CFAP57: variants seen among roughly 807,000 people sequenced by gnomAD.
CFAP57 encodes the protein cilia- and flagella-associated protein 57.
CFAP57 carries 116 observed loss-of-function variants against 146.8 expected under a neutral mutation model. That is an observed-to-expected ratio of 0.79 (90% CI 0.68 to 0.92). The LOEUF is 0.92. Among genes scored for constraint, CFAP57 ranks in the 40% least tolerant of loss-of-function variants. The pLI is 0.00. For missense variants in CFAP57, 1,377 were observed against 1,527.2 expected, an observed-to-expected ratio of 0.90 and a Z score of 1.64; for synonymous variants, 518 against 552.8, an observed-to-expected ratio of 0.94 and a Z score of 0.88.
At chr1:43,248,257 AT>A (rs1646188985) in intron 22 of CFAP57, among the ~76,000 whole-genome samples, 1 of 150,826 alleles carries the variant, frequency 6.6e-6, no homozygotes, top group Non-Finnish European at 1.5e-5. Context: ...CAAAAAATAT[AT>A]CTTCATATCC....
chr1:43,176,425 A>G (rs1252544968), intron 2 of CFAP57, among the ~76,000 whole-genome samples: 2 of 152,186 alleles, frequency 1.3e-5, no homozygotes, highest in African/African-American at 2.4e-5. Flanking sequence ...AAAGGTCATG[A>G]CATTGGGAGA....
intron 17 of CFAP57, 35 bp downstream of exon 17, chr1:43,224,239 C>T: frequency 6.7e-7 from 1 of 1,490,810 alleles, no homozygotes; most frequent in Non-Finnish European, 8.9e-7. Flanking sequence ...TCAGCTACGG[C>T]CAGATGGGCC....
intron 6 of CFAP57, among the ~76,000 whole-genome samples, chr1:43,192,818 T>C (rs1434135477): frequency 1.3e-5 from 2 of 151,740 alleles, no homozygotes; most frequent in African/African-American, 4.8e-5. Flanking sequence ...TCCCAGCTAC[T>C]CAGGAGGCTG....
intron 17 of CFAP57, among the ~76,000 whole-genome samples, 192 bp downstream of exon 17, chr1:43,224,396 C>T (rs78078745): frequency 0.046 from 6,944 of 152,336 alleles, 243 homozygotes; most frequent in African/African-American, 0.099. Context: ...TCACTTTCAG[C>T]TCTGCCAACA....
intron 21 of CFAP57, among the ~76,000 whole-genome samples, chr1:43,242,081 T>G (rs747175084): frequency 2.0e-4 from 30 of 152,330 alleles, no homozygotes; most frequent in Non-Finnish European, 4.1e-4. Context: ...GATGCAGGAC[T>G]GTTGCAGGTC....
intron 14 of CFAP57, 82 bp from the exon 15 acceptor site, chr1:43,222,023 T>C (rs934229726): frequency 2.4e-6 from 3 of 1,266,174 alleles, no homozygotes; most frequent in Non-Finnish European, 3.1e-6. Context: ...CTGGAAGGGA[T>C]GGGAGAGCGC....
At chr1:43,232,840 A>C (rs1206273016) in intron 19 of CFAP57, among the ~76,000 whole-genome samples, 1 of 152,242 alleles carries the variant, frequency 6.6e-6, no homozygotes, top group Non-Finnish European at 1.5e-5. Flanking sequence ...ACTTTGGGTA[A>C]GTGATCAAGG....
At chr1:43,216,171 C>G (rs1252121790) in intron 12 of CFAP57, among the ~76,000 whole-genome samples, 6 of 152,208 alleles carry the variant, frequency 3.9e-5, no homozygotes, top group Non-Finnish European at 8.8e-5. Context: ...TATTGAACAC[C>G]TACCATTTGC....
At chr1:43,180,079 G>T (rs897850552) in intron 2 of CFAP57, among the ~76,000 whole-genome samples, 3 of 151,860 alleles carry the variant, frequency 2.0e-5, no homozygotes, top group South Asian at 2.1e-4. Flanking sequence ...GGTGGCACAT[G>T]CCTGTAATCC....
intron 2 of CFAP57, among the ~76,000 whole-genome samples, chr1:43,173,331 G>A (rs989612182): frequency 1.3e-5 from 2 of 152,142 alleles, no homozygotes; most frequent in African/African-American, 2.4e-5. Flanking sequence ...ATAACCATTT[G>A]TATAGCATTA....
chr1:43,203,236 ACT>A (rs1200308435), intron 9 of CFAP57, among the ~76,000 whole-genome samples: 3 of 152,042 alleles, frequency 2.0e-5, no homozygotes, highest in Admixed American at 2.0e-4. Context: ...TACAAAGAAA[ACT>A]CTAGGCCCAG....
intron 5 of CFAP57, 41 bp downstream of exon 5, chr1:43,185,397 A>G (rs377272962): frequency 6.6e-5 from 104 of 1,585,142 alleles, no homozygotes; most frequent in East Asian, 1.3e-4. Flanking sequence ...TGGGGGTCCT[A>G]TTGGCATTTG....
chr1:43,199,423 G>A lies in CFAP57; in HGVS notation c.1462G>A (p.Ala488Thr), dbSNP rs1463846872. 6.2e-7 allele frequency: 1 copy of A among 1,613,994 alleles called. No individual in the cohort carries two copies. The highest frequency in any genetic ancestry group is 8.5e-7 in the Non-Finnish European group (1 of 1,180,042). ...SFSNGGHLFAAVNGNVIHVYT... is the reference protein window; with the variant it reads ...SFSNGGHLFATVNGNVIHVYT... ...TAGCAATGGAGGTCACCTGTTTGCT[G>A]CAGTCAATGGAAATGTGATTCACGT... The change falls in exon 9 of 23, where the codon GCA becomes ACA. Residue 488 changes from alanine (A) to threonine (T), a missense_variant. Ala to Thr is a moderately conservative substitution (Grantham distance 58, BLOSUM62 0). Coordinates refer to ENST00000372492, the MANE Select transcript of CFAP57 (RefSeq NM_001378189.1).
rs1249645982 is a variant in CFAP57 at position 43,186,625 on chromosome 1, A to AAAG, written c.970-80_970-79insGAA. On this transcript the variant is annotated intron_variant, in intron 5 of 22. Transcript: ENST00000372492. ...GACTCCGTCTCAAAAAAAAAAAAAAAAAAAAAAAGAAAACTCTGAAAGCCT... is the reference window on the plus strand; with the variant it reads ...GACTCCGTCTCAAAAAAAAAAAAAAAAAGAAAAAAAAGAAAACTCTGAAAGCCT... 2,311 of 1,236,794 alleles carry AAAG rather than the reference A, an allele frequency of 1.9e-3. 38 individuals are homozygous for AAAG. In the African/African-American group the frequency reaches 0.033, roughly 18 times the overall value. 76.6% of individuals were successfully genotyped at this position (1,236,794 alleles called of 1,614,324 possible). A position where few individuals can be genotyped will look rare whatever the true frequency, so the allele number is the denominator to read the frequency against.
intron 11 of CFAP57, 82 bp from the exon 12 acceptor site, chr1:43,215,173 G>A (rs1368034513): frequency 6.6e-7 from 1 of 1,504,252 alleles, no homozygotes; most frequent in Admixed American, 2.0e-5. Flanking sequence ...TTGCATGGGG[G>A]GAAGCCTTGC....
At chr1:43,220,871 A>G (rs1645017850) in intron 13 of CFAP57, among the ~76,000 whole-genome samples, 1 of 152,124 alleles carries the variant, frequency 6.6e-6, no homozygotes, top group Non-Finnish European at 1.5e-5. Flanking sequence ...AATTTTATTC[A>G]TTTAGCCAAC....
Position 43,183,878 on chromosome 1 carries a change from G to T in CFAP57, c.761+1G>T. The T allele has an allele frequency of 1.2e-6, 2 of 1,613,852 alleles. No homozygotes were observed. Among genetic ancestry groups the T allele is most frequent in the Non-Finnish European group, 1.7e-6 (2 of 1,180,028 alleles). On this transcript the variant is annotated splice_donor_variant, in intron 4 of 22. Transcript: ENST00000372492. LOFTEE classifies it high-confidence loss of function. ...TGGATGTCATTCAGGAATCAGAGAG[G>T]TAATGGTGCTTCCTGGGCTGGTGCT...
intron 17 of CFAP57, among the ~76,000 whole-genome samples, chr1:43,226,622 A>C (rs778101281): frequency 1.1e-4 from 17 of 152,234 alleles, no homozygotes; most frequent in South Asian, 2.1e-4. Context: ...AGTCAAGGCA[A>C]ATGCAAGGGA....
chr1:43,193,894 C>T (rs904736609), intron 6 of CFAP57, among the ~76,000 whole-genome samples: 5 of 152,024 alleles, frequency 3.3e-5, no homozygotes, highest in African/African-American at 9.7e-5. Flanking sequence ...TTTGTTCCCA[C>T]CCACCATTTG....
Sources: gnomAD v4.1 joint callset for allele counts (sites outside exome capture counted in the v4.1 genomes callset) on GRCh38, gnomAD v4.1.1 for gene constraint, MANE v1.5 for transcripts, NCBI Gene and HGNC (gene_info 2026-07-23, HGNC 2026-07-21) for gene names.